RNGTT: variants seen among roughly 807,000 people sequenced by gnomAD.
RNGTT encodes RNA guanylyltransferase and 5'-phosphatase.
RNGTT carries 33 observed loss-of-function variants against 79.3 expected under a neutral mutation model. The ratio of observed to expected loss-of-function variants is 0.42; its 90% confidence interval spans 0.32 to 0.56. The LOEUF (loss-of-function observed/expected upper bound fraction) is 0.56, where lower values mean the gene tolerates loss of function less well. RNGTT is among the 20% of genes least tolerant of loss of function. The pLI, the probability that RNGTT is intolerant of heterozygous loss-of-function variation, is 0.17. For missense variants in RNGTT, 497 were observed against 739.1 expected (o/e 0.67, Z 3.80); for synonymous variants, 222 against 235.9 (o/e 0.94, Z 0.54).
At chr6:88,629,940 T>C (rs373327348) in intron 14 of RNGTT, among the ~76,000 whole-genome samples, 29 of 152,282 alleles carry the variant, frequency 1.9e-4, no homozygotes, top group African/African-American at 6.7e-4. Context: ...TAATCTTGAT[T>C]AAGTCAGCTC....
At chr6:88,742,771 G>A (rs941769902) in intron 13 of RNGTT, among the ~76,000 whole-genome samples, 9 of 152,290 alleles carry the variant, frequency 5.9e-5, no homozygotes, top group Admixed American at 3.3e-4. Flanking sequence ...GTGTAAAGGT[G>A]ATTTTAAAAA....
chr6:88,944,422 A>T (rs1012804696), intron 1 of RNGTT, among the ~76,000 whole-genome samples: 1 of 152,142 alleles, frequency 6.6e-6, no homozygotes, highest in Non-Finnish European at 1.5e-5. Context: ...TTGCCTTTGC[A>T]GTTAATCTAT....
chr6:88,785,795 A>G (rs1779211318), intron 12 of RNGTT, among the ~76,000 whole-genome samples: 1 of 152,176 alleles, frequency 6.6e-6, no homozygotes, highest in South Asian at 2.1e-4. Context: ...CAATCTATCC[A>G]TAACATTCAA....
chr6:88,650,319 C>A (rs1207164316), intron 14 of RNGTT, among the ~76,000 whole-genome samples: 1 of 152,164 alleles, frequency 6.6e-6, no homozygotes, highest in African/African-American at 2.4e-5. Context: ...TGATTATTCT[C>A]ACAGTCACTG....
intron 13 of RNGTT, among the ~76,000 whole-genome samples, chr6:88,707,166 G>A (rs1270060811): frequency 6.6e-6 from 1 of 152,044 alleles, no homozygotes; most frequent in Admixed American, 6.6e-5. Context: ...TGAGTAAATT[G>A]TAAATCCAAT....
At chr6:88,887,910 G>A (rs1292255053) in intron 8 of RNGTT, among the ~76,000 whole-genome samples, 2 of 152,164 alleles carry the variant, frequency 1.3e-5, no homozygotes, top group Non-Finnish European at 1.5e-5. Context: ...CAGCCCAGGA[G>A]CTCAAGACCA....
intron 14 of RNGTT, among the ~76,000 whole-genome samples, chr6:88,660,549 T>TAAAAAA: frequency 6.9e-6 from 1 of 144,280 alleles, no homozygotes; most frequent in African/African-American, 2.8e-5. Context: ...GCAACAATGG[T>TAAAAAA]AAAAAAAAAG....
intron 1 of RNGTT, among the ~76,000 whole-genome samples, chr6:88,959,372 A>T (rs1358293114): frequency 2.0e-5 from 3 of 152,336 alleles, no homozygotes; most frequent in African/African-American, 4.8e-5. Flanking sequence ...AATGTTTTTT[A>T]AAAAGATCTT....
chr6:88,677,714 T>C (rs1334043999), intron 14 of RNGTT, among the ~76,000 whole-genome samples: 1 of 152,040 alleles, frequency 6.6e-6, no homozygotes, highest in Non-Finnish European at 1.5e-5. Context: ...CTTCCAGCCC[T>C]GACCCTCCCA....
chr6:88,934,599 A>T (rs1358795352), intron 2 of RNGTT, among the ~76,000 whole-genome samples: 2 of 152,024 alleles, frequency 1.3e-5, no homozygotes, highest in Non-Finnish European at 1.5e-5. Context: ...CCTATTCAGT[A>T]GGTTGTTATT....
chr6:88,890,152 T>C (rs566078264), intron 8 of RNGTT, among the ~76,000 whole-genome samples: 2 of 152,260 alleles, frequency 1.3e-5, no homozygotes, highest in South Asian at 2.1e-4. Flanking sequence ...AATTTATCTA[T>C]TAACCTCAAC....
chr6:88,814,076 AT>A (rs1315571938), intron 11 of RNGTT, among the ~76,000 whole-genome samples: 1 of 88,368 alleles, frequency 1.1e-5, no homozygotes, highest in Non-Finnish European at 3.1e-5. Context: ...AGGCTGTATT[AT>A]CACAAGAGGT....
intron 12 of RNGTT, among the ~76,000 whole-genome samples, chr6:88,783,105 G>T (rs1326453152): frequency 6.6e-6 from 1 of 152,092 alleles, no homozygotes; most frequent in East Asian, 1.9e-4. Context: ...CCCATTCACT[G>T]CAGCTTTATG....
At chr6:88,792,244 C>T (rs1376489407) in intron 12 of RNGTT, among the ~76,000 whole-genome samples, 1 of 152,176 alleles carries the variant, frequency 6.6e-6, no homozygotes, top group Admixed American at 6.5e-5. Flanking sequence ...CCCTGGACCA[C>T]CTAAAATCAT....
At chr6:88,959,004 T>G (rs188596252) in intron 1 of RNGTT, among the ~76,000 whole-genome samples, 1 of 152,034 alleles carries the variant, frequency 6.6e-6, no homozygotes, top group East Asian at 1.9e-4. Flanking sequence ...GATATGTATA[T>G]ATACCATGGA....
intron 11 of RNGTT, among the ~76,000 whole-genome samples, chr6:88,825,008 G>T (rs1426625187): frequency 1.3e-5 from 2 of 152,086 alleles, no homozygotes; most frequent in Non-Finnish European, 2.9e-5. Context: ...CTCCCAAAGA[G>T]CTGGGATTAC....
intron 12 of RNGTT, among the ~76,000 whole-genome samples, chr6:88,779,730 C>T (rs1242559034): frequency 6.6e-6 from 1 of 152,126 alleles, no homozygotes; most frequent in Non-Finnish European, 1.5e-5. Flanking sequence ...CAGTGGCTCA[C>T]GTCTGTAATC....
At chr6:88,776,342 G>A (rs550658221) in intron 12 of RNGTT, among the ~76,000 whole-genome samples, 14 of 143,906 alleles carry the variant, frequency 9.7e-5, no homozygotes, top group Admixed American at 2.8e-4. Context: ...TTTTTGAGAC[G>A]GAGTTTCCCT....
At chr6:88,737,963 AGTGT>A (rs1777340766) in intron 13 of RNGTT, among the ~76,000 whole-genome samples, 3 of 152,358 alleles carry the variant, frequency 2.0e-5, no homozygotes. Context: ...TCAGTGTTTA[AGTGT>A]AGGCTTCACA....
Sources: gnomAD v4.1 joint callset for allele counts (sites outside exome capture counted in the v4.1 genomes callset) on GRCh38, gnomAD v4.1.1 for gene constraint, MANE v1.5 for transcripts, NCBI Gene and HGNC (gene_info 2026-07-23, HGNC 2026-07-21) for gene names.